Variants in SLC9A2 observed in about 807,000 individuals in gnomAD.
SLC9A2 encodes the protein sodium/hydrogen exchanger 2.
A neutral mutation model predicts 71.7 loss-of-function variants in SLC9A2; 42 were observed. The ratio of observed to expected loss-of-function variants is 0.59; its 90% CI spans 0.46 to 0.76. The LOEUF is 0.76. SLC9A2 is among the 30% of genes least tolerant of loss of function. The probability of loss-of-function intolerance (pLI) is 0.00; values close to 1 mark genes in which losing one functional copy is unlikely to be tolerated. For synonymous variants in SLC9A2, 396 were observed against 392.5 expected (o/e 1.01, Z -0.10); for missense variants, 829 against 1,017.4 (o/e 0.81, Z 2.52).
At position 102,675,033 on chromosome 2, in the gene SLC9A2, G is replaced by A. The variant is rs74361588; in HGVS notation, c.1005-8228G>A. Among the ~76,000 whole-genome samples, 341 of 152,336 alleles carry A rather than the reference G, an allele frequency of 2.2e-3. 3 individuals are homozygous for A. Among genetic ancestry groups the A allele is most frequent in the Non-Finnish European group, 3.2e-3 (218 of 68,032 alleles). On this transcript the variant is annotated intron_variant, in intron 3 of 11. Coordinates refer to ENST00000233969, the MANE Select transcript of SLC9A2 (RefSeq NM_003048.6). ...CCTGGGGTTTGGAGAACTGTCATGG[G>A]ATCAGACTGTGTCACATGACCCGCC...
At chr2:102,680,423 C>A (rs547905158) in intron 3 of SLC9A2, among the ~76,000 whole-genome samples, 3 of 152,048 alleles carry the variant, frequency 2.0e-5, no homozygotes, top group Non-Finnish European at 4.4e-5. Context: ...GGAGTGCTGG[C>A]GAGATGCCCG....
chr2:102,640,114 T>C (rs1023087596), intron 1 of SLC9A2, among the ~76,000 whole-genome samples: 1 of 152,234 alleles, frequency 6.6e-6, no homozygotes, highest in African/African-American at 2.4e-5. Flanking sequence ...TTTCACTGCA[T>C]CTGTCTCCTG....
At chr2:102,684,667 T>A (rs1422544716) in intron 5 of SLC9A2, among the ~76,000 whole-genome samples, 2 of 152,242 alleles carry the variant, frequency 1.3e-5, no homozygotes, top group East Asian at 3.8e-4. Flanking sequence ...GTTGTGCATA[T>A]GACCTTCCAA....
chr2:102,625,177 C>A (rs1041663137), intron 1 of SLC9A2, among the ~76,000 whole-genome samples: 1 of 152,182 alleles, frequency 6.6e-6, no homozygotes, highest in African/African-American at 2.4e-5. Context: ...GTGGGCTGCT[C>A]ACACATTTTC....
intron 2 of SLC9A2, among the ~76,000 whole-genome samples, chr2:102,662,241 T>G (rs1677063199): frequency 6.6e-6 from 1 of 152,194 alleles, no homozygotes; most frequent in Non-Finnish European, 1.5e-5. Context: ...CTTTGATAGA[T>G]TTGATGCATT....
intron 1 of SLC9A2, among the ~76,000 whole-genome samples, chr2:102,644,948 C>T (rs1421968316): frequency 6.6e-6 from 1 of 152,216 alleles, no homozygotes; most frequent in East Asian, 1.9e-4. Context: ...CTCAGCTCTG[C>T]AAAGGGACAG....
intron 1 of SLC9A2, among the ~76,000 whole-genome samples, chr2:102,650,874 C>G (rs998878622): frequency 3.2e-4 from 48 of 152,192 alleles, no homozygotes; most frequent in Non-Finnish European, 8.8e-5. Flanking sequence ...TCGTCTGCCA[C>G]TTCTTCTAGC....
At chr2:102,693,190 C>T (rs73947646) in intron 5 of SLC9A2, among the ~76,000 whole-genome samples, 2,771 of 151,802 alleles carry the variant, frequency 0.018, 74 homozygotes, top group African/African-American at 0.063. Flanking sequence ...AGTTACTGTA[C>T]CAAATTTTCT....
intron 11 of SLC9A2, among the ~76,000 whole-genome samples, chr2:102,706,325 C>CAAAAAAAAAAAAAAAAAAA (rs1321449192): frequency 2.3e-3 from 6 of 2,616 alleles, no homozygotes; most frequent in South Asian, 0.013. Flanking sequence ...GACTCCGTCT[C>CAAAAAAAAAAAAAAAAAAA]AAAAAAAAAA....
Position 102,648,518 on chromosome 2 carries a change from A to G in SLC9A2, c.290-9046A>G, listed in dbSNP as rs559281881. Among the ~76,000 whole-genome samples the G allele has an allele frequency of 1.5e-3, 232 of 152,328 alleles. 2 individuals are homozygous for G. The highest frequency in any genetic ancestry group is 5.4e-3 in the African/African-American group (226 of 41,574). ...GGGCAATCAGGCAAGAGAAAGAAAT[A>G]AAGGGTATTCAAATAGGAAAAGAGG... On this transcript the variant is annotated intron_variant, in intron 1 of 11. Coordinates refer to ENST00000233969, the MANE Select transcript of SLC9A2 (RefSeq NM_003048.6).
At position 102,629,607 on chromosome 2, in the gene SLC9A2, C is replaced by T. The variant is rs193184055; in HGVS notation, c.289+9470C>T. ...TTGACTTATTTTGCTCTCTGTTTAC[C>T]ATGCTTTCACTTGGTATCCTAATCT... On this transcript the variant is annotated intron_variant, in intron 1 of 11. Transcript: ENST00000233969. Among the ~76,000 whole-genome samples the T allele has an allele frequency of 3.9e-5, 6 of 152,108 alleles. No individual in the cohort carries two copies. The East Asian group carries it at 1.2e-3, about 29-fold the overall frequency.
At chr2:102,704,732 T>C (rs1677941329) in intron 10 of SLC9A2, 57 bp downstream of exon 10, 1 of 1,564,354 alleles carries the variant, frequency 6.4e-7, no homozygotes, top group Non-Finnish European at 8.8e-7. Flanking sequence ...AGCTATTCCA[T>C]TGATCAGCTG....
intron 1 of SLC9A2, among the ~76,000 whole-genome samples, chr2:102,620,571 C>A (rs902564585): frequency 2.0e-5 from 3 of 152,084 alleles, no homozygotes; most frequent in Non-Finnish European, 4.4e-5. Context: ...TGACACAGAC[C>A]CTGCTGTGCG....
chr2:102,704,816 C>T (rs1048165951), intron 10 of SLC9A2, 141 bp downstream of exon 10: 20 of 833,650 alleles, frequency 2.4e-5, no homozygotes, highest in African/African-American at 1.7e-4. Context: ...CTGGGGTGGC[C>T]GGGGGAAGTG....
intron 9 of SLC9A2, among the ~76,000 whole-genome samples, chr2:102,703,671 A>G (rs1196506643): frequency 8.5e-5 from 13 of 152,230 alleles, no homozygotes; most frequent in Admixed American, 8.5e-4. Flanking sequence ...TGCATCTCTC[A>G]ATAGAACCTA....
intron 1 of SLC9A2, among the ~76,000 whole-genome samples, chr2:102,630,120 C>T (rs142408951): frequency 1.3e-3 from 192 of 152,174 alleles, no homozygotes; most frequent in Non-Finnish European, 2.2e-3. Flanking sequence ...TTAACTTCCT[C>T]CAAATTAGTT....
At chr2:102,685,692 G>C (rs1229491690) in intron 5 of SLC9A2, among the ~76,000 whole-genome samples, 15 of 150,790 alleles carry the variant, frequency 9.9e-5, no homozygotes, top group Admixed American at 3.3e-4. Flanking sequence ...GGATGGACTT[G>C]CCCTCAAGTG....
At position 102,622,767 on chromosome 2, in the gene SLC9A2, A is replaced by G. The variant is rs915005433; in HGVS notation, c.289+2630A>G. Among the ~76,000 whole-genome samples the G allele has an allele frequency of 2.0e-5, 3 of 152,234 alleles. No homozygotes were observed. The South Asian group carries it at 6.2e-4, about 32-fold the overall frequency. On this transcript the variant is annotated intron_variant, in intron 1 of 11. Coordinates refer to ENST00000233969, the MANE Select transcript of SLC9A2 (RefSeq NM_003048.6). ...CTCCATCCATACTATCATCATTAGT[A>G]GCAGTGAGGACAGTGGTATAGTCAA...
Position 102,710,832 on chromosome 2 carries a change from G to T in SLC9A2, c.*2343G>T, listed in dbSNP as rs1360064292. On this transcript the variant is annotated 3_prime_UTR_variant, in exon 12 of 12. Coordinates refer to ENST00000233969, the MANE Select transcript of SLC9A2 (RefSeq NM_003048.6). Reference sequence around the variant, plus strand: ...GCTTTCGTTCGTCCAAACAACACTTGATCCAACCAAAGTTCCAATGTGACT... The same window carrying T: ...GCTTTCGTTCGTCCAAACAACACTTTATCCAACCAAAGTTCCAATGTGACT... The T allele has an allele frequency of 6.6e-6, 1 of 152,314 alleles. No homozygotes were observed. The highest frequency in any genetic ancestry group is 1.5e-5 in the Non-Finnish European group (1 of 68,038). 9.4% of individuals were successfully genotyped at this position (152,314 alleles called of 1,614,324 possible). A position where few individuals can be genotyped will look rare whatever the true frequency, so the allele number is the denominator to read the frequency against.
Sources: gnomAD v4.1 joint callset for allele counts (sites outside exome capture counted in the v4.1 genomes callset) on GRCh38, gnomAD v4.1.1 for gene constraint, MANE v1.5 for transcripts, NCBI Gene and HGNC (gene_info 2026-07-23, HGNC 2026-07-21) for gene names.